TTC7B: variants seen among roughly 807,000 people sequenced by gnomAD.
TTC7B encodes tetratricopeptide repeat protein 7B.
Under a neutral mutation model 106.8 loss-of-function variants are expected in TTC7B, and 28 were observed. The observed-to-expected ratio is 0.26, with a 90% CI of 0.19 to 0.36. The LOEUF is 0.36. Ranked by LOEUF, TTC7B falls within the 10% of genes least tolerant of loss-of-function variation. The pLI, the probability that TTC7B is intolerant of heterozygous loss-of-function variation, is 1.00. For missense variants in TTC7B, 862 were observed against 1,076.4 expected (o/e 0.80, Z 2.79); for synonymous variants, 405 against 430.6 (o/e 0.94, Z 0.74).
intron 4 of TTC7B, among the ~76,000 whole-genome samples, chr14:90,732,311 G>A (rs914703974): frequency 1.3e-5 from 2 of 152,122 alleles, no homozygotes; most frequent in African/African-American, 4.8e-5. Context: ...GAGCTGCCAG[G>A]ACTTCCTGTT....
At position 90,802,986 on chromosome 14, in the gene TTC7B, A is replaced by T. The variant is rs2140058348; in HGVS notation, c.121+13189T>A. Among the ~76,000 whole-genome samples the T allele has an allele frequency of 6.9e-6, 1 of 144,320 alleles. No individual in the cohort carries two copies. The highest frequency in any genetic ancestry group is 1.5e-5 in the Non-Finnish European group (1 of 65,108). The allele number at this position is 144,320 out of a possible 152,430, so 94.7% of individuals were successfully genotyped here. On this transcript the variant is annotated intron_variant, in intron 1 of 19. Coordinates refer to ENST00000328459, the MANE Select transcript of TTC7B (RefSeq NM_001010854.2). This position sits in a 1 kb window ranked among gnomAD's most constrained non-coding sequence, Gnocchi z 4.7. The stretch of plus-strand genomic sequence containing the variant: ...ATCTCTGCTAAAAAAAAAAAAAAAT[A>T]CAAAAAATTAGCTGGATGTGGTGGC...
chr14:90,528,622 A>T lies in TTC7B; in HGVS notation c.*12746T>A, dbSNP rs1889204669. 6.6e-6 allele frequency: 1 copy of T among 152,354 alleles called. No individual in the cohort carries two copies. The highest frequency in any genetic ancestry group is 2.4e-5 in the African/African-American group (1 of 40,978). The allele number at this position is 152,354 out of a possible 1,614,324, so 9.4% of individuals were successfully genotyped here. On this transcript the variant is annotated 3_prime_UTR_variant, in exon 20 of 20. Coordinates refer to ENST00000328459, the MANE Select transcript of TTC7B (RefSeq NM_001010854.2). ...TACCCGTTTCCGATGGTGTGACCTG[A>T]CTGTGCTTTGTTACCTGTTTCTGAT... is the stretch of plus-strand genomic sequence containing the variant.
At chr14:90,618,184 G>C in intron 15 of TTC7B, 139 bp from the exon 16 acceptor site, 5 of 614,558 alleles carry the variant, frequency 8.1e-6, no homozygotes, top group Non-Finnish European at 1.4e-5. Context: ...GTGGTCCAAG[G>C]AAAGCGGGAT....
intron 5 of TTC7B, among the ~76,000 whole-genome samples, chr14:90,726,431 C>T (rs938875138): frequency 1.7e-4 from 26 of 152,212 alleles, no homozygotes; most frequent in African/African-American, 5.8e-4. Context: ...CAATGTCCGG[C>T]TCGGTCATCT....
At chr14:90,541,693 TATATCG>T in intron 19 of TTC7B, 104 bp from the exon 20 acceptor site, 1 of 873,542 alleles carries the variant, frequency 1.1e-6, no homozygotes, top group Admixed American at 3.3e-5. Context: ...GAGCCGGGAA[TATATCG>T]CCATTGGGCT....
In TTC7B at chr14:90,741,696, A is replaced by G. The variant is rs535898457; in HGVS notation, c.576+3096T>C. On this transcript the variant is annotated intron_variant, in intron 4 of 19. Coordinates refer to ENST00000328459, the MANE Select transcript of TTC7B (RefSeq NM_001010854.2). Reference sequence around the variant, plus strand: ...AAAAAAAGAAAAAGGCCAATCAAGTATCTCTTGCATAACACACAACTATCT... The same window carrying G: ...AAAAAAAGAAAAAGGCCAATCAAGTGTCTCTTGCATAACACACAACTATCT... 5.9e-5 allele frequency among the ~76,000 whole-genome samples: 9 copies of G among 152,344 alleles called. No homozygotes were observed. In the South Asian group the frequency reaches 1.9e-3, roughly 32 times the overall value.
chr14:90,800,943 T>C (rs2030226775), intron 1 of TTC7B, among the ~76,000 whole-genome samples: 1 of 151,788 alleles, frequency 6.6e-6, no homozygotes, highest in Admixed American at 6.6e-5. Flanking sequence ...CCCAGAACTT[T>C]GGGAGGCTGA....
intron 18 of TTC7B, among the ~76,000 whole-genome samples, chr14:90,591,686 C>T (rs1016391009): frequency 1.3e-5 from 2 of 152,214 alleles, no homozygotes; most frequent in Non-Finnish European, 2.9e-5. Context: ...ATTTAAAAGG[C>T]AACTCTGCCC....
At chr14:90,758,232 T>C (rs1260954317) in intron 3 of TTC7B, among the ~76,000 whole-genome samples, 1 of 145,526 alleles carries the variant, frequency 6.9e-6, no homozygotes, top group Non-Finnish European at 1.5e-5. Context: ...CAGCCGGCCT[T>C]GGGGCACCAC....
chr14:90,756,907 G>A (rs1890322160), intron 3 of TTC7B, among the ~76,000 whole-genome samples: 2 of 152,096 alleles, frequency 1.3e-5, no homozygotes, highest in African/African-American at 4.8e-5. Context: ...ATGGGTCAGT[G>A]GCAATAAAAG....
At position 90,578,427 on chromosome 14, in the gene TTC7B, G is replaced by T; in HGVS notation, c.2108-119C>A. ...AGTCTGGCGGGGCGCAGAGCCAGCT[G>T]ATCCCTGCTCCAAGTGGAAACAGCT... On this transcript the variant is annotated intron_variant, in intron 18 of 19. Transcript: ENST00000328459. The surrounding 1 kb of genome is among the most constrained non-coding windows in gnomAD (Gnocchi z 4.7). The T allele has an allele frequency of 2.0e-6, 2 of 1,017,436 alleles. No homozygotes were observed. The highest frequency in any genetic ancestry group is 2.9e-6 in the Non-Finnish European group (2 of 680,926). The allele number at this position is 1,017,436 out of a possible 1,614,324, so 63.0% of individuals were successfully genotyped here.
intron 19 of TTC7B, among the ~76,000 whole-genome samples, chr14:90,547,177 T>C (rs1889873428): frequency 6.6e-6 from 1 of 152,214 alleles, no homozygotes; most frequent in South Asian, 2.1e-4. Context: ...GAAGGCTGCC[T>C]CCCAAGCTGG....
intron 1 of TTC7B, among the ~76,000 whole-genome samples, chr14:90,804,346 A>C (rs2030472885): frequency 6.7e-6 from 1 of 150,004 alleles, no homozygotes; most frequent in African/African-American, 2.4e-5. Context: ...AAAAAAAAAG[A>C]AAAGAAAAGA....
chr14:90,551,865 G>A (rs372167536), intron 19 of TTC7B, among the ~76,000 whole-genome samples: 39 of 152,318 alleles, frequency 2.6e-4, no homozygotes, highest in Non-Finnish European at 4.9e-4. Flanking sequence ...GCCCCACCCC[G>A]CTTTCCAACA....
chr14:90,651,928 C>T (rs1052785259), intron 13 of TTC7B, among the ~76,000 whole-genome samples: 4 of 152,162 alleles, frequency 2.6e-5, no homozygotes, highest in Non-Finnish European at 5.9e-5. Flanking sequence ...ATGAAATATT[C>T]GTAACTAAGT....
intron 15 of TTC7B, among the ~76,000 whole-genome samples, chr14:90,641,952 T>C (rs1050598935): frequency 1.1e-4 from 16 of 151,954 alleles, no homozygotes; most frequent in Non-Finnish European, 2.1e-4. Flanking sequence ...TGTGTGTGTG[T>C]GTGTGTGTGT....
chr14:90,636,020 C>T (rs2139870664), intron 15 of TTC7B, among the ~76,000 whole-genome samples: 1 of 150,858 alleles, frequency 6.6e-6, no homozygotes, highest in East Asian at 2.0e-4. Flanking sequence ...ACTCAGGAGG[C>T]TGAGGCAGGA....
intron 7 of TTC7B, among the ~76,000 whole-genome samples, chr14:90,683,674 A>G (rs988784900): frequency 6.6e-6 from 1 of 152,130 alleles, no homozygotes; most frequent in African/African-American, 2.4e-5. Context: ...AGCCCAGTGC[A>G]GGTCCACTGG....
At chr14:90,676,275 A>T (rs1359945975) in intron 9 of TTC7B, 2 of 372,788 alleles carry the variant, frequency 5.4e-6, no homozygotes, top group Non-Finnish European at 9.6e-6. Flanking sequence ...GCCTTCCCTC[A>T]CACACAAACT....
Sources: gnomAD v4.1 joint callset for allele counts (sites outside exome capture counted in the v4.1 genomes callset) on GRCh38, gnomAD v4.1.1 for gene constraint, Gnocchi (gnomAD v3.1) non-coding constraint, MANE v1.5 for transcripts, NCBI Gene and HGNC (gene_info 2026-07-23, HGNC 2026-07-21) for gene names.